ADAMTSL1: variants seen among roughly 807,000 people sequenced by gnomAD.
ADAMTSL1 encodes ADAMTS-like protein 1.
A neutral mutation model predicts 201.8 loss-of-function variants in ADAMTSL1; 126 were observed. The observed-to-expected ratio is 0.62, with a 90% CI of 0.54 to 0.72. The LOEUF (loss-of-function observed/expected upper bound fraction) is 0.72. Among genes scored for constraint, ADAMTSL1 ranks in the 30% least tolerant of loss-of-function variants. The probability of loss-of-function intolerance (pLI) is 0.00; values close to 1 mark genes in which losing one functional copy is unlikely to be tolerated. For synonymous variants in ADAMTSL1, 1,121 were observed against 903.4 expected (o/e 1.24, Z -4.32); for missense variants, 2,679 against 2,277.8 (o/e 1.18, Z -3.59).
At chr9:18,093,691 A>T (rs1316423863) in intron 1 of ADAMTSL1, among the ~76,000 whole-genome samples, 1 of 152,206 alleles carries the variant, frequency 6.6e-6, no homozygotes, top group Non-Finnish European at 1.5e-5. Context: ...AGGCTCTCCT[A>T]AAGTTTTTAG....
chr9:18,794,516 T>G (rs1198373971), intron 19 of ADAMTSL1, among the ~76,000 whole-genome samples: 1 of 152,194 alleles, frequency 6.6e-6, no homozygotes, highest in Non-Finnish European at 1.5e-5. Context: ...ACAGCGGCTG[T>G]GACACAGAAT....
intron 2 of ADAMTSL1, among the ~76,000 whole-genome samples, chr9:18,226,640 C>A (rs929478612): frequency 6.6e-6 from 1 of 152,082 alleles, no homozygotes; most frequent in Non-Finnish European, 1.5e-5. Flanking sequence ...CCTCTCTTTA[C>A]CTTAGCCTGG....
chr9:18,595,430 A>G lies in ADAMTSL1; in HGVS notation c.474+21164A>G, dbSNP rs570641575. On this transcript the variant is annotated intron_variant, in intron 4 of 28. Transcript: ENST00000380548. ...AGACTGGGCCCCCTTGAGATCTGCT[A>G]TGGGATAGAGGCTGGAGAGCCTGGT... Among the ~76,000 whole-genome samples, 4 of 152,224 alleles carry G rather than the reference A, an allele frequency of 2.6e-5. 1 individual carries two copies. In the South Asian group the frequency reaches 6.2e-4, roughly 24 times the overall value.
chr9:18,751,324 A>C (rs747782421), intron 15 of ADAMTSL1, among the ~76,000 whole-genome samples: 4 of 152,190 alleles, frequency 2.6e-5, no homozygotes, highest in Non-Finnish European at 5.9e-5. Context: ...TATTTTTTGG[A>C]GACAGCATGG....
intron 1 of ADAMTSL1, among the ~76,000 whole-genome samples, chr9:17,946,347 G>T (rs1174653962): frequency 1.3e-5 from 2 of 151,782 alleles, no homozygotes; most frequent in Non-Finnish European, 2.9e-5. Context: ...TGGTACTCAG[G>T]TATCTAAGTC....
intron 9 of ADAMTSL1, among the ~76,000 whole-genome samples, chr9:18,665,714 C>A (rs1318476574): frequency 6.6e-6 from 1 of 152,070 alleles, no homozygotes; most frequent in Non-Finnish European, 1.5e-5. Flanking sequence ...CCTCCTTACA[C>A]TCACTGACAA....
intron 2 of ADAMTSL1, among the ~76,000 whole-genome samples, chr9:18,356,443 A>T (rs1836233414): frequency 6.6e-6 from 1 of 151,314 alleles, no homozygotes; most frequent in African/African-American, 2.4e-5. Context: ...CAGGAAGGTC[A>T]ATTGAACCTA....
chr9:18,866,001 G>A (rs1443009484), intron 23 of ADAMTSL1, among the ~76,000 whole-genome samples: 1 of 151,734 alleles, frequency 6.6e-6, no homozygotes, highest in Non-Finnish European at 1.5e-5. Flanking sequence ...GAAGGAAAGG[G>A]AGGGTTGGGA....
chr9:18,013,210 G>T (rs1820126162), intron 1 of ADAMTSL1, among the ~76,000 whole-genome samples: 2 of 151,956 alleles, frequency 1.3e-5, no homozygotes, highest in Admixed American at 6.6e-5. Context: ...TACATGTGCA[G>T]CTTCTTATAT....
intron 1 of ADAMTSL1, among the ~76,000 whole-genome samples, chr9:18,096,888 T>C (rs1367035661): frequency 1.3e-5 from 2 of 152,226 alleles, no homozygotes; most frequent in Admixed American, 6.5e-5. Context: ...TGGTATGTAC[T>C]CCTTTTTTTG....
At chr9:18,642,321 T>G (rs1436724407) in intron 7 of ADAMTSL1, among the ~76,000 whole-genome samples, 5 of 151,874 alleles carry the variant, frequency 3.3e-5, no homozygotes, top group African/African-American at 4.8e-5. Context: ...AATTAATGAG[T>G]AAAAACTAGA....
chr9:18,003,819 A>G (rs1819708590), intron 1 of ADAMTSL1, among the ~76,000 whole-genome samples: 1 of 152,038 alleles, frequency 6.6e-6, no homozygotes, highest in South Asian at 2.1e-4. Flanking sequence ...ATGAAATAAA[A>G]CTCATGTGAA....
intron 1 of ADAMTSL1, among the ~76,000 whole-genome samples, chr9:17,983,715 A>G (rs111264835): frequency 0.011 from 1,746 of 152,282 alleles, 11 homozygotes; most frequent in Middle Eastern, 0.048. Context: ...GACTGTTAAA[A>G]TAACTTGAGA....
At chr9:18,694,405 C>T (rs1266757970) in intron 13 of ADAMTSL1, among the ~76,000 whole-genome samples, 1 of 152,160 alleles carries the variant, frequency 6.6e-6, no homozygotes, top group Admixed American at 6.6e-5. Flanking sequence ...AGGCAAATCC[C>T]TTCTTCCTAT....
chr9:18,298,683 A>T (rs1392914961), intron 2 of ADAMTSL1, among the ~76,000 whole-genome samples: 3 of 151,934 alleles, frequency 2.0e-5, no homozygotes, highest in Non-Finnish European at 4.4e-5. Flanking sequence ...TAAAAAAAAA[A>T]AAAAGGCTGG....
chr9:18,062,648 T>C (rs1422405526), intron 1 of ADAMTSL1, among the ~76,000 whole-genome samples: 1 of 152,076 alleles, frequency 6.6e-6, no homozygotes, highest in African/African-American at 2.4e-5. Context: ...ATAACATAAA[T>C]ATTTGGAATT....
intron 13 of ADAMTSL1, among the ~76,000 whole-genome samples, chr9:18,698,469 A>G (rs1831706583): frequency 6.6e-6 from 1 of 152,062 alleles, no homozygotes; most frequent in South Asian, 2.1e-4. Flanking sequence ...TATTTTTAGT[A>G]GAGATGAGGT....
At chr9:18,145,236 C>T (rs1471007775) in intron 1 of ADAMTSL1, among the ~76,000 whole-genome samples, 2 of 152,108 alleles carry the variant, frequency 1.3e-5, no homozygotes, top group Non-Finnish European at 2.9e-5. Flanking sequence ...AAGAGTTGAG[C>T]GTTCTTAAGC....
intron 2 of ADAMTSL1, among the ~76,000 whole-genome samples, chr9:18,454,508 C>T (rs569856110): frequency 1.3e-5 from 2 of 152,244 alleles, no homozygotes; most frequent in South Asian, 4.1e-4. Context: ...GTCAAGTCAA[C>T]ACCTAAAATT....
Sources: allele counts gnomAD v4.1 joint callset (sites outside exome capture counted in the v4.1 genomes callset), GRCh38; gene constraint gnomAD v4.1.1; transcripts MANE v1.5; gene names NCBI Gene and HGNC (gene_info 2026-07-23, HGNC 2026-07-21).